ADAMTS6: variants seen among roughly 807,000 people sequenced by gnomAD.
ADAMTS6 encodes the protein A disintegrin and metalloproteinase with thrombospondin motifs 6.
A neutral mutation model predicts 144.3 loss-of-function variants in ADAMTS6; 23 were observed. The observed-to-expected ratio is 0.16, with a 90% CI of 0.11 to 0.23. ADAMTS6 has a LOEUF of 0.23. Ranked by LOEUF, ADAMTS6 falls within the 10% of genes least tolerant of loss-of-function variation. The pLI, the probability that ADAMTS6 is intolerant of heterozygous loss-of-function variation, is 1.00. For missense variants in ADAMTS6, 999 were observed against 1,379.6 expected (o/e 0.72, Z 4.37); for synonymous variants, 444 against 457.5 (o/e 0.97, Z 0.38).
chr5:65,380,836 C>G (rs1050411767), intron 7 of ADAMTS6, among the ~76,000 whole-genome samples: 2 of 152,068 alleles, frequency 1.3e-5, no homozygotes, highest in African/African-American at 4.8e-5. Context: ...TTGTCCAATA[C>G]ATATAATATA....
intron 7 of ADAMTS6, among the ~76,000 whole-genome samples, chr5:65,409,270 A>G (rs1174074106): frequency 6.6e-6 from 1 of 152,222 alleles, no homozygotes; most frequent in African/African-American, 2.4e-5. Context: ...AATAAAGCAG[A>G]AAACAGAGAA....
At chr5:65,263,325 A>G (rs565402314) in intron 12 of ADAMTS6, among the ~76,000 whole-genome samples, 1 of 150,552 alleles carries the variant, frequency 6.6e-6, no homozygotes, top group South Asian at 2.1e-4. Context: ...ATTTTTCTTT[A>G]TATTTCACTA....
intron 9 of ADAMTS6, among the ~76,000 whole-genome samples, chr5:65,312,395 G>C (rs927728951): frequency 1.3e-5 from 2 of 151,978 alleles, no homozygotes; most frequent in African/African-American, 4.8e-5. Flanking sequence ...GTAAAGAAAA[G>C]ACAGAATTTA....
At chr5:65,245,611 T>TATC (rs747549838) in intron 14 of ADAMTS6, among the ~76,000 whole-genome samples, 143 of 152,118 alleles carry the variant, frequency 9.4e-4, no homozygotes, top group African/African-American at 3.2e-3. Flanking sequence ...ATACAACAGT[T>TATC]ATCATCATCA....
intron 7 of ADAMTS6, among the ~76,000 whole-genome samples, chr5:65,398,856 A>G (rs929090303): frequency 6.6e-6 from 1 of 150,486 alleles, no homozygotes; most frequent in Non-Finnish European, 1.5e-5. Context: ...AAGAAAAAGA[A>G]AGAGAAAGAA....
At position 65,170,715 on chromosome 5, in the gene ADAMTS6, G is replaced by T; in HGVS notation, c.3146C>A (p.Thr1049Asn). ...TAGACAGTCACTAGATGCCTGTCCG[G>T]TGTAGGAGAGACACTGCACAGTTCT... ...QMRTVQCLSYTGQASSDCLET... is the reference protein window; with the variant it reads ...QMRTVQCLSYNGQASSDCLET... Residue 1049 changes from threonine to asparagine, a missense_variant, in exon 24 of 25, where the codon ACC becomes AAC. Thr to Asn is a moderately conservative substitution (Grantham distance 65, BLOSUM62 0). Around this residue, in one of 3 missense-constraint regions of ADAMTS6, gnomAD observed 619 missense variants for 837.0 expected, o/e 0.74. Coordinates refer to ENST00000381055, the MANE Select transcript of ADAMTS6 (RefSeq NM_197941.4). 1 of 1,614,162 alleles carries T rather than the reference G, an allele frequency of 6.2e-7. No homozygotes were observed. Among genetic ancestry groups the T allele is most frequent in the Non-Finnish European group, 8.5e-7 (1 of 1,180,028 alleles).
chr5:65,442,678 T>A (rs890951536), intron 7 of ADAMTS6, among the ~76,000 whole-genome samples: 3 of 152,144 alleles, frequency 2.0e-5, no homozygotes, highest in African/African-American at 7.2e-5. Context: ...ACTATATATA[T>A]ATTTTTATTG....
At chr5:65,159,647 C>T (rs1752634371) in intron 24 of ADAMTS6, among the ~76,000 whole-genome samples, 2 of 152,318 alleles carry the variant, frequency 1.3e-5, no homozygotes, top group Middle Eastern at 3.4e-3. Flanking sequence ...CTTCTTGCCA[C>T]GCCTGGAACA....
chr5:65,195,296 A>G (rs10044007), intron 21 of ADAMTS6, among the ~76,000 whole-genome samples: 60,954 of 152,084 alleles, frequency 0.4, 12,308 homozygotes, highest in Admixed American at 0.49. Context: ...AAATTTAATA[A>G]CTTGTCTTTG....
chr5:65,418,851 C>T (rs1341589813), intron 7 of ADAMTS6, among the ~76,000 whole-genome samples: 4 of 152,176 alleles, frequency 2.6e-5, no homozygotes, highest in African/African-American at 9.6e-5. Flanking sequence ...CAATGAAATA[C>T]CATCTCACAC....
At chr5:65,410,942 A>G (rs1754994857) in intron 7 of ADAMTS6, among the ~76,000 whole-genome samples, 2 of 152,126 alleles carry the variant, frequency 1.3e-5, no homozygotes, top group African/African-American at 4.8e-5. Flanking sequence ...AGGTCAAGCA[A>G]TCCTCCTGCT....
chr5:65,410,105 A>G (rs1754923347), intron 7 of ADAMTS6, among the ~76,000 whole-genome samples: 1 of 152,212 alleles, frequency 6.6e-6, no homozygotes, highest in African/African-American at 2.4e-5. Flanking sequence ...GAAGACGGGC[A>G]ATACTGAGAG....
rs1173463300 is a variant in ADAMTS6, at chr5:65,214,899, A to G, written c.2470T>C (p.Tyr824His). 9.3e-6 allele frequency: 15 copies of G among 1,613,950 alleles called. No homozygotes were observed. Among genetic ancestry groups the G allele is most frequent in the Non-Finnish European group, 1.3e-5 (15 of 1,179,990 alleles). The change falls in exon 20 of 25, where the codon TAT becomes CAT. Residue 824 changes from tyrosine to histidine, a missense_variant. Coordinates refer to ENST00000381055, the MANE Select transcript of ADAMTS6 (RefSeq NM_197941.4). This position sits in a 1 kb window ranked among gnomAD's most constrained non-coding sequence, Gnocchi z 4.6. ...CGAGTGATGGGAACATTGAACTTAT[A>G]CCTAATTCCCAAATTCTGTTCTTGA... ...LLQEQNLGIR[Y>H]KFNVPITRTG...
intron 9 of ADAMTS6, among the ~76,000 whole-genome samples, chr5:65,322,396 T>C (rs1745702907): frequency 1.3e-5 from 2 of 152,146 alleles, no homozygotes; most frequent in Non-Finnish European, 2.9e-5. Context: ...CTGTTTTTTC[T>C]AGTTCTGTGA....
chr5:65,259,376 T>TCAAA (rs150243891), intron 14 of ADAMTS6, among the ~76,000 whole-genome samples: 45,423 of 149,570 alleles, frequency 0.3, 7,031 homozygotes, highest in Admixed American at 0.37. Context: ...AGGCTCTGTC[T>TCAAA]CAAACAAACA....
At chr5:65,409,843 A>C (rs944712876) in intron 7 of ADAMTS6, among the ~76,000 whole-genome samples, 7 of 152,262 alleles carry the variant, frequency 4.6e-5, no homozygotes, top group Non-Finnish European at 2.9e-5. Context: ...CTTGTTCAAC[A>C]TATGCAAATC....
At chr5:65,355,728 C>A (rs1428489379) in intron 7 of ADAMTS6, among the ~76,000 whole-genome samples, 1 of 151,724 alleles carries the variant, frequency 6.6e-6, no homozygotes, top group Admixed American at 6.6e-5. Context: ...GAAGTCTAAT[C>A]GAGAGCTAAA....
rs149664090 is a variant in ADAMTS6, at chr5:65,408,692, A to G, written c.1073+42783T>C. Among the ~76,000 whole-genome samples, 480 of 152,308 alleles carry G rather than the reference A, an allele frequency of 3.2e-3. 3 individuals are homozygous for G. Among genetic ancestry groups the G allele is most frequent in the African/African-American group, 0.011 (451 of 41,554 alleles). ...ACTCTCCACCCCAAATCAACAGAAG[A>G]TACATTCTTCTCAGCAACATATCGC... is the stretch of plus-strand genomic sequence containing the variant. On this transcript the variant is annotated intron_variant, in intron 7 of 24. Transcript: ENST00000381055.
rs1344628083 is a variant in ADAMTS6, at chr5:65,333,535, G to A, written c.1117+507C>T. Among the ~76,000 whole-genome samples, 2 of 150,876 alleles carry A rather than the reference G, an allele frequency of 1.3e-5. 1 individual carries two copies. The highest frequency in any genetic ancestry group is 4.9e-5 in the African/African-American group (2 of 41,134). On this transcript the variant is annotated intron_variant, in intron 8 of 24. Transcript: ENST00000381055. ...TTCCAATACTATCTTAATTTATGGG[G>A]CTATACTTTTTCCACAAAATTGTAC...
Sources: gnomAD v4.1 joint callset for allele counts (sites outside exome capture counted in the v4.1 genomes callset) on GRCh38, gnomAD v4.1.1 for gene constraint, gnomAD v4.1.1 regional missense constraint, Gnocchi (gnomAD v3.1) non-coding constraint, MANE v1.5 for transcripts, NCBI Gene and HGNC (gene_info 2026-07-23, HGNC 2026-07-21) for gene names.